The following KCNQ3 variants were observed in gnomAD, a reference collection of about 807,000 sequenced individuals.
The protein encoded by KCNQ3 is potassium voltage-gated channel subfamily KQT member 3.
In KCNQ3, 30 loss-of-function variants were observed where a neutral mutation model predicts 92.5. The ratio of observed to expected loss-of-function variants is 0.32; its 90% CI spans 0.24 to 0.44. KCNQ3 has a LOEUF of 0.44. KCNQ3 is among the 20% of genes least tolerant of loss of function. The pLI is 1.00. For missense variants in KCNQ3, 913 were observed against 1,140.3 expected, an observed-to-expected ratio of 0.80 and a Z score of 2.87; for synonymous variants, 450 against 468.8, an observed-to-expected ratio of 0.96 and a Z score of 0.52.
intron 1 of KCNQ3, among the ~76,000 whole-genome samples, chr8:132,187,873 ATAG>A (rs1827043307): frequency 3.3e-5 from 1 of 30,106 alleles, no homozygotes; most frequent in African/African-American, 2.0e-4. Flanking sequence ...GGTGGTGGTG[ATAG>A]TGATGGTGGC....
chr8:132,229,002 T>A (rs2130365466), intron 1 of KCNQ3, among the ~76,000 whole-genome samples: 1 of 152,282 alleles, frequency 6.6e-6, no homozygotes, highest in South Asian at 2.1e-4. Context: ...ACACCTGTAA[T>A]CCCAGCACTT....
At chr8:132,166,690 A>G (rs1011299872) in intron 8 of KCNQ3, among the ~76,000 whole-genome samples, 6 of 152,148 alleles carry the variant, frequency 3.9e-5, no homozygotes, top group African/African-American at 1.4e-4. Context: ...TGTAATAAAA[A>G]AAATAAGAAC....
At chr8:132,239,025 C>A (rs1814905447) in intron 1 of KCNQ3, among the ~76,000 whole-genome samples, 1 of 152,202 alleles carries the variant, frequency 6.6e-6, no homozygotes, top group Non-Finnish European at 1.5e-5. Context: ...TACTTAATAA[C>A]TCATTAATTG....
chr8:132,215,233 A>G (rs1813991666), intron 1 of KCNQ3, among the ~76,000 whole-genome samples: 1 of 152,210 alleles, frequency 6.6e-6, no homozygotes, highest in African/African-American at 2.4e-5. Flanking sequence ...GAAAAATGGG[A>G]TTAATAACAA....
chr8:132,182,882 GCACACACA>G (rs3993055), intron 3 of KCNQ3, among the ~76,000 whole-genome samples: 3 of 146,092 alleles, frequency 2.1e-5, no homozygotes, highest in Admixed American at 6.9e-5. Flanking sequence ...CTCCAATATC[GCACACACA>G]CACACACACA....
At chr8:132,337,263 C>T (rs760809363) in intron 1 of KCNQ3, among the ~76,000 whole-genome samples, 1 of 152,120 alleles carries the variant, frequency 6.6e-6, no homozygotes, top group Non-Finnish European at 1.5e-5. Flanking sequence ...GCAGGAGGAT[C>T]GCATTGCTTG....
intron 1 of KCNQ3, among the ~76,000 whole-genome samples, chr8:132,389,818 T>C (rs138503560): frequency 3.9e-5 from 6 of 152,310 alleles, no homozygotes; most frequent in Admixed American, 2.0e-4. Flanking sequence ...TCACATGCTA[T>C]TGCTACGAGT....
chr8:132,235,637 T>G (rs560077512), intron 1 of KCNQ3, among the ~76,000 whole-genome samples: 1 of 152,310 alleles, frequency 6.6e-6, no homozygotes, highest in South Asian at 2.1e-4. Context: ...GTTACCTGCC[T>G]CCTTGACTAG....
At chr8:132,315,734 TA>T (rs149297531) in intron 1 of KCNQ3, among the ~76,000 whole-genome samples, 3,311 of 152,318 alleles carry the variant, frequency 0.022, 134 homozygotes, top group African/African-American at 0.075. Context: ...GTGTCTGAAA[TA>T]TTTCTAATAA....
chr8:132,380,937 A>C (rs2130754369), intron 1 of KCNQ3, among the ~76,000 whole-genome samples: 1 of 151,576 alleles, frequency 6.6e-6, no homozygotes, highest in African/African-American at 2.4e-5. Flanking sequence ...AGCAGAAAAA[A>C]AAAAAAAAAA....
chr8:132,239,461 G>A (rs996026829), intron 1 of KCNQ3, among the ~76,000 whole-genome samples: 3 of 152,236 alleles, frequency 2.0e-5, no homozygotes, highest in African/African-American at 7.2e-5. Context: ...GGAAGGTGGT[G>A]ATGTAGAAGA....
chr8:132,212,407 T>A (rs539124753), intron 1 of KCNQ3, among the ~76,000 whole-genome samples: 1 of 152,064 alleles, frequency 6.6e-6, no homozygotes, highest in Admixed American at 6.6e-5. Flanking sequence ...CTTTCTTCCA[T>A]GAAAAGCTCT....
intron 1 of KCNQ3, among the ~76,000 whole-genome samples, chr8:132,249,717 C>T (rs1395088465): frequency 3.3e-5 from 5 of 152,234 alleles, no homozygotes; most frequent in Admixed American, 6.5e-5. Flanking sequence ...GGGCGGTGCT[C>T]GTTGGGGAGG....
intron 1 of KCNQ3, among the ~76,000 whole-genome samples, chr8:132,292,921 T>C (rs1164604613): frequency 6.6e-6 from 1 of 152,182 alleles, no homozygotes. Context: ...CAAGAAAAGT[T>C]TGAATGGACA....
intron 1 of KCNQ3, among the ~76,000 whole-genome samples, chr8:132,266,687 G>A (rs745529710): frequency 6.6e-6 from 1 of 152,118 alleles, no homozygotes. Flanking sequence ...GCTGCATCAC[G>A]ATCTCTGAAG....
intron 3 of KCNQ3, among the ~76,000 whole-genome samples, chr8:132,181,594 T>A (rs1042899880): frequency 6.6e-6 from 1 of 152,158 alleles, no homozygotes; most frequent in Admixed American, 6.5e-5. Flanking sequence ...GAAATATTTG[T>A]CCACTGGGAA....
rs774939169 is a variant in KCNQ3 at position 132,227,988 on chromosome 8, TA to T, written c.387-41808del. Reference sequence around the variant, plus strand: ...AACACACTCAAGTTCAAACAGAAGTTAAAAAAAAAAACCCAATAAATCCAAC... The same window carrying T: ...AACACACTCAAGTTCAAACAGAAGTTAAAAAAAAAACCCAATAAATCCAAC... On this transcript the variant is annotated intron_variant, in intron 1 of 14. Transcript: ENST00000388996. 1.4e-3 allele frequency among the ~76,000 whole-genome samples: 204 copies of T among 145,990 alleles called. 1 individual carries two copies. Among genetic ancestry groups the T allele is most frequent in the South Asian group, 3.0e-3 (14 of 4,600 alleles).
At chr8:132,144,783 A>G (rs1374618357) in intron 9 of KCNQ3, among the ~76,000 whole-genome samples, 1 of 152,038 alleles carries the variant, frequency 6.6e-6, no homozygotes, top group Non-Finnish European at 1.5e-5. Flanking sequence ...TTTCATCTAA[A>G]TGACTCTTAC....
rs375099145 is a variant in KCNQ3, at chr8:132,403,016, C to CAAAAAAAAAAAAAAAAAAAAAA, written c.386+77130_386+77131insTTTTTTTTTTTTTTTTTTTTTT. Among the ~76,000 whole-genome samples, 171 of 67,614 alleles carry CAAAAAAAAAAAAAAAAAAAAAA rather than the reference C, an allele frequency of 2.5e-3. 15 individuals carry two copies. Among genetic ancestry groups the CAAAAAAAAAAAAAAAAAAAAAA allele is most frequent in the African/African-American group, 3.6e-3 (42 of 11,694 alleles). The allele number at this position is 67,614 out of a possible 152,430, so 44.4% of individuals were successfully genotyped here. Reference sequence around the variant, plus strand: ...CTGGCAACAGGGCGAGGCACCATCACAAAAAAAAAAAAAAAAGTGTCAATA... The same window carrying CAAAAAAAAAAAAAAAAAAAAAA: ...CTGGCAACAGGGCGAGGCACCATCACAAAAAAAAAAAAAAAAAAAAAAAAAAAAAAAAAAAAAAGTGTCAATA... On this transcript the variant is annotated intron_variant, in intron 1 of 14. Coordinates refer to ENST00000388996, the MANE Select transcript of KCNQ3 (RefSeq NM_004519.4).
Sources: allele counts gnomAD v4.1 joint callset (sites outside exome capture counted in the v4.1 genomes callset), GRCh38; gene constraint gnomAD v4.1.1; transcripts MANE v1.5; gene names NCBI Gene and HGNC (gene_info 2026-07-23, HGNC 2026-07-21).